Variants in KAZN observed in about 807,000 individuals in gnomAD.
The protein encoded by KAZN is kazrin.
A neutral mutation model predicts 87.4 loss-of-function variants in KAZN; 40 were observed. The observed-to-expected ratio is 0.46, with a 90% CI of 0.36 to 0.60. The LOEUF (loss-of-function observed/expected upper bound fraction) is 0.60, where lower values mean the gene tolerates loss of function less well. KAZN is among the 20% of genes least tolerant of loss of function. KAZN has a pLI of 0.00. For missense variants in KAZN, 898 were observed against 1,073.9 expected, an observed-to-expected ratio of 0.84 and a Z score of 2.29; for synonymous variants, 466 against 458.3, an observed-to-expected ratio of 1.02 and a Z score of -0.22.
At chr1:14,910,380 C>T (rs1657122363) in intron 1 of KAZN, among the ~76,000 whole-genome samples, 1 of 152,164 alleles carries the variant, frequency 6.6e-6, no homozygotes, top group Admixed American at 6.5e-5. Context: ...GGCCTGGGGC[C>T]CTTGGTGTCT....
rs373728389 is a variant in KAZN, at chr1:14,549,443, GA to G, written c.250-49536del. On this transcript the variant is annotated intron_variant, in intron 2 of 16. Transcript: ENST00000636203. The stretch of plus-strand genomic sequence containing the variant: ...AATAAAAGACCAAACTTTGTGAGAA[GA>G]AAACTTCTGGGCCCCCCCTTATCCA... 3.7e-3 allele frequency among the ~76,000 whole-genome samples: 562 copies of G among 152,242 alleles called. 3 individuals are homozygous for G. Among genetic ancestry groups the G allele is most frequent in the African/African-American group, 0.013 (529 of 41,548 alleles).
chr1:14,954,251 G>C (rs554999106), intron 1 of KAZN, among the ~76,000 whole-genome samples: 16 of 152,360 alleles, frequency 1.1e-4, no homozygotes, highest in African/African-American at 3.8e-4. Flanking sequence ...ACTCTGCTAA[G>C]TCTATGGGTT....
intron 2 of KAZN, among the ~76,000 whole-genome samples, chr1:14,482,543 A>G (rs1187689267): frequency 1.3e-5 from 2 of 152,170 alleles, no homozygotes; most frequent in African/African-American, 4.8e-5. Context: ...CTAATAGGTT[A>G]TATGTGTTCA....
chr1:14,760,935 C>G (rs1296935645), intron 1 of KAZN, among the ~76,000 whole-genome samples: 1 of 152,188 alleles, frequency 6.6e-6, no homozygotes, highest in Non-Finnish European at 1.5e-5. Flanking sequence ...ACTGAGGCAG[C>G]CATAGACAAT....
At chr1:14,344,163 C>CTTTTTTTT (rs55837460) in intron 2 of KAZN, among the ~76,000 whole-genome samples, 5 of 122,632 alleles carry the variant, frequency 4.1e-5, no homozygotes, top group African/African-American at 9.1e-5. Context: ...TTCATGTATT[C>CTTTTTTTT]TTTTTTTTTT....
intron 2 of KAZN, among the ~76,000 whole-genome samples, chr1:14,315,659 C>T (rs1426374565): frequency 6.6e-6 from 1 of 151,912 alleles, no homozygotes; most frequent in Non-Finnish European, 1.5e-5. Context: ...GTAGTATGTC[C>T]TCTTTTGTGT....
At chr1:14,606,563 A>G (rs1677380504) in intron 1 of KAZN, among the ~76,000 whole-genome samples, 1 of 152,022 alleles carries the variant, frequency 6.6e-6, no homozygotes, top group Non-Finnish European at 1.5e-5. Flanking sequence ...GTCCAGGCAA[A>G]GCCAGAGTCT....
At chr1:14,754,166 G>T (rs1206071624) in intron 1 of KAZN, among the ~76,000 whole-genome samples, 2 of 152,218 alleles carry the variant, frequency 1.3e-5, no homozygotes, top group Admixed American at 6.5e-5. Context: ...GAGTTGGGTG[G>T]GTTGGGGTGG....
chr1:14,147,915 G>A (rs903023122), intron 1 of KAZN, among the ~76,000 whole-genome samples: 1 of 151,932 alleles, frequency 6.6e-6, no homozygotes, highest in African/African-American at 2.4e-5. Flanking sequence ...GCTATTTATT[G>A]TAATAGTCCC....
chr1:14,393,116 C>CG (rs1394665009), intron 2 of KAZN, among the ~76,000 whole-genome samples: 2 of 152,296 alleles, frequency 1.3e-5, no homozygotes, highest in East Asian at 3.9e-4. Context: ...CACCATCTCT[C>CG]TGAGTTCTTT....
At chr1:15,055,611 C>T (rs1674866519) in intron 4 of KAZN, among the ~76,000 whole-genome samples, 1 of 152,214 alleles carries the variant, frequency 6.6e-6, no homozygotes, top group African/African-American at 2.4e-5. Flanking sequence ...TCAGACAGAA[C>T]TGGGTTCAAA....
intron 8 of KAZN, among the ~76,000 whole-genome samples, chr1:15,073,957 G>T (rs1639626193): frequency 6.6e-6 from 1 of 152,204 alleles, no homozygotes; most frequent in Non-Finnish European, 1.5e-5. Flanking sequence ...CTGCCCTTGG[G>T]CTCCTGAGGA....
intron 2 of KAZN, among the ~76,000 whole-genome samples, chr1:14,587,490 G>A (rs1307726094): frequency 3.3e-5 from 5 of 151,968 alleles, no homozygotes; most frequent in African/African-American, 1.2e-4. Flanking sequence ...ACTTTTGCAG[G>A]CTGTACAGGA....
chr1:14,912,380 AG>A (rs1489026937), intron 1 of KAZN, among the ~76,000 whole-genome samples: 1 of 152,122 alleles, frequency 6.6e-6, no homozygotes, highest in Non-Finnish European at 1.5e-5. Flanking sequence ...TACCTGGGTA[AG>A]GTAGCCAGAA....
chr1:14,372,412 G>A (rs758053677), intron 2 of KAZN, among the ~76,000 whole-genome samples: 3 of 152,124 alleles, frequency 2.0e-5, no homozygotes, highest in Admixed American at 6.5e-5. Flanking sequence ...CTCAACCTTC[G>A]TGCTAGTGAC....
chr1:13,901,042 GA>G (rs35671009), intron 1 of KAZN, among the ~76,000 whole-genome samples: 112,202 of 145,772 alleles, frequency 0.77, 43,297 homozygotes, highest in African/African-American at 0.91. Flanking sequence ...GCTAATCATT[GA>G]AAAAAAAAAA....
At chr1:14,689,720 G>A (rs570139634) in intron 1 of KAZN, among the ~76,000 whole-genome samples, 10 of 152,352 alleles carry the variant, frequency 6.6e-5, no homozygotes, top group Admixed American at 3.9e-4. Flanking sequence ...ATGGCAAGGG[G>A]CTGCGAAGCT....
intron 1 of KAZN, among the ~76,000 whole-genome samples, chr1:14,672,955 G>T (rs1046437597): frequency 1.3e-5 from 2 of 152,186 alleles, no homozygotes; most frequent in Non-Finnish European, 2.9e-5. Context: ...CAGCCTGATC[G>T]TTGGATCCCA....
intron 1 of KAZN, among the ~76,000 whole-genome samples, chr1:14,640,732 C>G (rs1680354172): frequency 6.6e-6 from 1 of 152,218 alleles, no homozygotes; most frequent in Non-Finnish European, 1.5e-5. Flanking sequence ...GCCCCTGGGA[C>G]TTTGCACATG....
Sources: allele counts gnomAD v4.1 joint callset (sites outside exome capture counted in the v4.1 genomes callset), GRCh38; gene constraint gnomAD v4.1.1; transcripts MANE v1.5; gene names NCBI Gene and HGNC (gene_info 2026-07-23, HGNC 2026-07-21).